Variants in CCDC138 observed in about 807,000 individuals in gnomAD.
CCDC138 encodes the protein coiled-coil domain-containing protein 138.
A neutral mutation model predicts 82.3 loss-of-function variants in CCDC138; 66 were observed. The observed-to-expected ratio is 0.80, with a 90% CI of 0.66 to 0.98. CCDC138 has a LOEUF of 0.98. Ranked by LOEUF, CCDC138 falls within the 50% of genes least tolerant of loss-of-function variation. The pLI, the probability that CCDC138 is intolerant of heterozygous loss-of-function variation, is 0.00. For missense variants in CCDC138, 816 were observed against 758.9 expected (o/e 1.08, Z -0.88); for synonymous variants, 297 against 265.4 (o/e 1.12, Z -1.16).
intron 4 of CCDC138, 47 bp downstream of exon 4, chr2:108,791,849 A>G (rs1679962545): frequency 2.6e-6 from 4 of 1,513,186 alleles, no homozygotes; most frequent in East Asian, 2.3e-5. Flanking sequence ...AACTTTGTCA[A>G]GTAGAGTAAA....
chr2:108,802,927 T>G (rs1449027974), intron 6 of CCDC138, among the ~76,000 whole-genome samples: 2 of 152,200 alleles, frequency 1.3e-5, no homozygotes, highest in African/African-American at 4.8e-5. Context: ...TATGCTGGAT[T>G]ACATTTATTG....
intron 7 of CCDC138, among the ~76,000 whole-genome samples, chr2:108,812,302 G>A (rs1208766352): frequency 1.3e-5 from 2 of 151,840 alleles, no homozygotes; most frequent in African/African-American, 2.4e-5. Flanking sequence ...TGCATACTTA[G>A]GATTTTATAC....
At chr2:108,827,803 G>C in intron 10 of CCDC138, among the ~76,000 whole-genome samples, 1 of 131,234 alleles carries the variant, frequency 7.6e-6, no homozygotes, top group African/African-American at 2.8e-5. Flanking sequence ...GCGACAGAGA[G>C]AGAATATGTC....
At chr2:108,787,124 T>A (rs1470564559) in intron 1 of CCDC138, among the ~76,000 whole-genome samples, 1 of 152,196 alleles carries the variant, frequency 6.6e-6, no homozygotes, top group Non-Finnish European at 1.5e-5. Flanking sequence ...CACCTATGCC[T>A]CTGTGTTCCT....
intron 9 of CCDC138, among the ~76,000 whole-genome samples, chr2:108,814,810 A>G (rs1195201205): frequency 6.6e-6 from 1 of 151,296 alleles, no homozygotes; most frequent in Admixed American, 6.6e-5. Flanking sequence ...TAATTTTTAT[A>G]TTTTTAGTAG....
At chr2:108,856,049 G>T (rs1250369446) in intron 12 of CCDC138, among the ~76,000 whole-genome samples, 1 of 152,156 alleles carries the variant, frequency 6.6e-6, no homozygotes, top group Non-Finnish European at 1.5e-5. Flanking sequence ...TAGGGACTTG[G>T]GTTGTGTAGT....
intron 13 of CCDC138, among the ~76,000 whole-genome samples, chr2:108,858,414 T>A (rs1353183551): frequency 6.6e-6 from 1 of 152,114 alleles, no homozygotes; most frequent in Non-Finnish European, 1.5e-5. Context: ...AAATAAGCAG[T>A]ATCTAATGGT....
intron 10 of CCDC138, among the ~76,000 whole-genome samples, chr2:108,831,700 T>TCTCCCTTCCTTC: frequency 6.9e-6 from 1 of 145,260 alleles, no homozygotes; most frequent in East Asian, 2.1e-4. Flanking sequence ...TGGCACAGAA[T>TCTCCCTTCCTTC]CTTCCTTCCT....
intron 7 of CCDC138, among the ~76,000 whole-genome samples, chr2:108,805,994 C>T (rs1177384858): frequency 8.3e-6 from 1 of 120,172 alleles, no homozygotes; most frequent in Non-Finnish European, 1.9e-5. Flanking sequence ...GATTATGTAA[C>T]TTAAGCCTCA....
chr2:108,806,727 A>C (rs1248563788), intron 7 of CCDC138, among the ~76,000 whole-genome samples: 6 of 152,234 alleles, frequency 3.9e-5, no homozygotes, highest in African/African-American at 1.4e-4. Context: ...TGTACTTTGA[A>C]ATTGCTGAAG....
chr2:108,828,614 A>G (rs1190076560), intron 10 of CCDC138, among the ~76,000 whole-genome samples: 1 of 152,218 alleles, frequency 6.6e-6, no homozygotes, highest in Non-Finnish European at 1.5e-5. Flanking sequence ...AGTCTTTTCA[A>G]CAAATGGTGT....
Position 108,816,829 on chromosome 2 carries a change from G to T in CCDC138, c.1206+724G>T, listed in dbSNP as rs1057511659. Among the ~76,000 whole-genome samples the T allele has an allele frequency of 2.6e-5, 4 of 152,220 alleles. No homozygotes were observed. In the South Asian group the frequency reaches 8.3e-4, roughly 32 times the overall value. ...TTCCTGCCTCATCCCTTTGAGTAGG[G>T]TCTACAGGTATACACCACCTTGCCA... On this transcript the variant is annotated intron_variant, in intron 10 of 14. Coordinates refer to ENST00000295124, the MANE Select transcript of CCDC138 (RefSeq NM_144978.3).
In CCDC138 at chr2:108,815,923, T is replaced by G. The variant is rs1372073450; in HGVS notation, c.1042-18T>G. The G allele has an allele frequency of 1.3e-6, 2 of 1,578,458 alleles. No homozygotes were observed. The highest frequency in any genetic ancestry group is 2.3e-5 in the South Asian group (2 of 85,426). ...GAAGTTGTGAACTGAAATAAATGAT[T>G]TAATTTTTGACATATAGGTACCACT... On this transcript the variant is annotated intron_variant, in intron 9 of 14. Coordinates refer to ENST00000295124, the MANE Select transcript of CCDC138 (RefSeq NM_144978.3).
intron 10 of CCDC138, among the ~76,000 whole-genome samples, chr2:108,834,981 A>T (rs1032577615): frequency 6.6e-6 from 1 of 152,238 alleles, no homozygotes; most frequent in Non-Finnish European, 1.5e-5. Flanking sequence ...CAGCTCTTCA[A>T]TTGAAGTCAA....
chr2:108,789,056 T>C (rs1003320958), intron 3 of CCDC138, 90 bp downstream of exon 3: 6 of 1,368,360 alleles, frequency 4.4e-6, no homozygotes, highest in African/African-American at 4.3e-5. Context: ...TTTTGCTCTT[T>C]CCTGAGGACA....
chr2:108,795,666 C>T (rs1433010903), intron 5 of CCDC138, among the ~76,000 whole-genome samples: 1 of 152,120 alleles, frequency 6.6e-6, no homozygotes, highest in Non-Finnish European at 1.5e-5. Flanking sequence ...AGCCTAAAAT[C>T]ACCAGGAAAA....
intron 11 of CCDC138, among the ~76,000 whole-genome samples, chr2:108,841,654 A>G (rs1040226926): frequency 3.9e-5 from 6 of 152,076 alleles, no homozygotes; most frequent in Non-Finnish European, 7.4e-5. Flanking sequence ...TTTTAATTAA[A>G]TAGCATACAG....
In CCDC138 at chr2:108,809,448, T is replaced by TTGTGTGTG. The variant is rs56122981; in HGVS notation, c.856-3150_856-3143dup. 3.0e-3 allele frequency among the ~76,000 whole-genome samples: 426 copies of TTGTGTGTG among 141,226 alleles called. 1 individual carries two copies. The highest frequency in any genetic ancestry group is 9.5e-3 in the South Asian group (40 of 4,216). The allele number at this position is 141,226 out of a possible 152,430, so 92.6% of individuals were successfully genotyped here. A position where few individuals can be genotyped will look rare whatever the true frequency, so the allele number is the denominator to read the frequency against. On this transcript the variant is annotated intron_variant, in intron 7 of 14. Transcript: ENST00000295124. The stretch of plus-strand genomic sequence containing the variant: ...TGTTCCAGTCCATGAACATGAAATG[T>TTGTGTGTG]TGTGTGTGTGTGTGTGTGTGTGTGT...
chr2:108,800,619 T>C (rs1448554207), intron 6 of CCDC138, among the ~76,000 whole-genome samples: 2 of 138,842 alleles, frequency 1.4e-5, no homozygotes, highest in East Asian at 4.1e-4. Context: ...TTTTTTTTTT[T>C]TTTTTTTTTT....
Sources: gnomAD v4.1 joint callset for allele counts (sites outside exome capture counted in the v4.1 genomes callset) on GRCh38, gnomAD v4.1.1 for gene constraint, MANE v1.5 for transcripts, NCBI Gene and HGNC (gene_info 2026-07-23, HGNC 2026-07-21) for gene names.